GALNT14: variants seen among roughly 807,000 people sequenced by gnomAD.
GALNT14 encodes polypeptide N-acetylgalactosaminyltransferase 14.
A neutral mutation model predicts 77.5 loss-of-function variants in GALNT14; 60 were observed. The observed-to-expected ratio is 0.77, with a 90% CI of 0.63 to 0.96. The LOEUF (loss-of-function observed/expected upper bound fraction) is 0.96. GALNT14 is among the 40% of genes least tolerant of loss of function. GALNT14 has a pLI of 0.00. For synonymous variants in GALNT14, 280 were observed against 281.7 expected (o/e 0.99, Z 0.06); for missense variants, 710 against 731.0 (o/e 0.97, Z 0.33).
intron 1 of GALNT14, among the ~76,000 whole-genome samples, chr2:31,033,537 G>C (rs557531662): frequency 1.3e-5 from 2 of 152,090 alleles, no homozygotes; most frequent in East Asian, 3.9e-4. Flanking sequence ...GGAAACTCCT[G>C]TGTGTAGTTA....
intron 1 of GALNT14, among the ~76,000 whole-genome samples, chr2:31,039,169 G>T (rs1672944900): frequency 6.6e-6 from 1 of 152,116 alleles, no homozygotes; most frequent in South Asian, 2.1e-4. Flanking sequence ...TGGAGATGTG[G>T]TTTTTTTGGA....
At chr2:31,116,575 A>T (rs1258227521) in intron 1 of GALNT14, among the ~76,000 whole-genome samples, 1 of 152,212 alleles carries the variant, frequency 6.6e-6, no homozygotes, top group Non-Finnish European at 1.5e-5. Flanking sequence ...AATATTATAA[A>T]GCCAAAACTC....
At chr2:31,019,262 GA>G (rs772505961) in intron 1 of GALNT14, among the ~76,000 whole-genome samples, 19 of 152,146 alleles carry the variant, frequency 1.2e-4, no homozygotes, top group Admixed American at 6.5e-4. Flanking sequence ...ATTTCAACTT[GA>G]AATAATGTCG....
At chr2:30,932,676 G>A (rs1665812480) in intron 9 of GALNT14, among the ~76,000 whole-genome samples, 1 of 152,218 alleles carries the variant, frequency 6.6e-6, no homozygotes. Context: ...GGTGACCATT[G>A]TGAGAAGACT....
chr2:31,089,749 T>C (rs1302059714), intron 1 of GALNT14, among the ~76,000 whole-genome samples: 1 of 152,058 alleles, frequency 6.6e-6, no homozygotes, highest in Non-Finnish European at 1.5e-5. Flanking sequence ...TGACAGGTAA[T>C]GCTAGGGAGC....
intron 1 of GALNT14, among the ~76,000 whole-genome samples, chr2:31,096,493 A>C (rs1025155122): frequency 2.0e-5 from 3 of 152,178 alleles, no homozygotes; most frequent in Non-Finnish European, 4.4e-5. Flanking sequence ...GTTTATGAGG[A>C]TAAAACAGAG....
At position 30,924,259 on chromosome 2, in the gene GALNT14, G is replaced by A. The variant is rs1665216715; in HGVS notation, c.1240C>T (p.Pro414Ser). The change falls in exon 13 of 15, where the codon CCC becomes TCC. Residue 414 changes from proline (P) to serine (S), a missense_variant. Pro to Ser is a moderately conservative substitution (Grantham distance 74). Coordinates refer to ENST00000349752, the MANE Select transcript of GALNT14 (RefSeq NM_024572.4). ...CCCTTCTGGATGGAGGACTCCTTGG[G>A]GATGCTGGAGGAGAGTCACAGGGAG... is the stretch of plus-strand genomic sequence containing the variant. ...LENIYPELSI[P>S]KESSIQKGNI... The A allele has an allele frequency of 1.2e-6, 2 of 1,614,046 alleles. No homozygotes were observed. The highest frequency in any genetic ancestry group is 8.5e-7 in the Non-Finnish European group (1 of 1,180,002).
At chr2:31,053,346 C>T (rs1276175758) in intron 1 of GALNT14, among the ~76,000 whole-genome samples, 1 of 152,068 alleles carries the variant, frequency 6.6e-6, no homozygotes, top group African/African-American at 2.4e-5. Flanking sequence ...ACGCCTGAAC[C>T]CTGCACTTAC....
chr2:30,940,150 G>A (rs1666295449), intron 9 of GALNT14, among the ~76,000 whole-genome samples: 1 of 152,140 alleles, frequency 6.6e-6, no homozygotes, highest in African/African-American at 2.4e-5. Flanking sequence ...GTGATGGATT[G>A]CAAATGTCTC....
At position 30,932,104 on chromosome 2, in the gene GALNT14, T is replaced by C. The variant is rs1190624732; in HGVS notation, c.1022A>G (p.Tyr341Cys). ...VGHVFRKKHP[Y>C]VFPDGNANTY... ...GTTGGCATTTCCATCAGGGAAAACG[T>C]AGGGGTGCTTCTTCCGGAAGACGTG... is the stretch of plus-strand genomic sequence containing the variant. The change falls in exon 10 of 15, where the codon TAC becomes TGC. Residue 341 changes from tyrosine (Y) to cysteine (C), a missense_variant. Coordinates refer to ENST00000349752, the MANE Select transcript of GALNT14 (RefSeq NM_024572.4). 2 of 1,578,044 alleles carry C rather than the reference T, an allele frequency of 1.3e-6. No individual in the cohort carries two copies. Among genetic ancestry groups the C allele is most frequent in the East Asian group, 2.4e-5 (1 of 41,708 alleles).
At chr2:30,987,113 G>T (rs142730884) in intron 2 of GALNT14, 1 of 152,334 alleles carries the variant, frequency 6.6e-6, no homozygotes, top group East Asian at 1.9e-4. Context: ...GGGATGTGCT[G>T]AAAGCCACTC....
chr2:30,924,891 C>T lies in GALNT14; in HGVS notation c.1152-68G>A, dbSNP rs74726040. 3.0e-3 allele frequency: 3,973 copies of T among 1,324,690 alleles called. 78 individuals carry two copies. In the African/African-American group the frequency reaches 0.049, roughly 16 times the overall value. The allele number at this position is 1,324,690 out of a possible 1,614,324, so 82.1% of individuals were successfully genotyped here. On this transcript the variant is annotated intron_variant, in intron 11 of 14. Coordinates refer to ENST00000349752, the MANE Select transcript of GALNT14 (RefSeq NM_024572.4). The stretch of plus-strand genomic sequence containing the variant: ...AGCTGTCAGAGGCAGGCGCCAGCAA[C>T]GCCAGTCCAGACTGAGAACACAAAG...
chr2:30,998,163 T>C (rs780321757), intron 1 of GALNT14, among the ~76,000 whole-genome samples: 7 of 152,230 alleles, frequency 4.6e-5, no homozygotes, highest in Admixed American at 6.5e-5. Context: ...GCCAAACCCC[T>C]GGCCAAGACC....
chr2:30,939,927 C>A (rs1210478110), intron 9 of GALNT14, among the ~76,000 whole-genome samples: 1 of 151,950 alleles, frequency 6.6e-6, no homozygotes, highest in Non-Finnish European at 1.5e-5. Flanking sequence ...TTATCCCCAC[C>A]CGCAGATGTG....
chr2:30,924,360 G>A (rs1665225673), intron 12 of GALNT14, 97 bp from the exon 13 acceptor site: 3 of 1,321,006 alleles, frequency 2.3e-6, no homozygotes, highest in South Asian at 1.3e-5. Flanking sequence ...AGAATGGCAG[G>A]GCTGGGCTGT....
Position 31,035,624 on chromosome 2 carries a change from C to T in GALNT14, c.130-42617G>A, listed in dbSNP as rs867177926. Among the ~76,000 whole-genome samples, 655 of 137,942 alleles carry T rather than the reference C, an allele frequency of 4.7e-3. 12 individuals carry two copies. The highest frequency in any genetic ancestry group is 0.033 in the Middle Eastern group (9 of 272). 90.5% of individuals were successfully genotyped at this position (137,942 alleles called of 152,430 possible). On this transcript the variant is annotated intron_variant, in intron 1 of 14. Transcript: ENST00000349752. Reference sequence around the variant, plus strand: ...ATACACACACACACACACCTACACACACACACACACACACACACACACACA... The same window carrying T: ...ATACACACACACACACACCTACACATACACACACACACACACACACACACA...
intron 1 of GALNT14, among the ~76,000 whole-genome samples, chr2:31,048,775 T>C (rs1673652598): frequency 6.6e-6 from 1 of 152,108 alleles, no homozygotes; most frequent in African/African-American, 2.4e-5. Context: ...GTTGCTGTCA[T>C]TGCCCTCTTC....
intron 1 of GALNT14, among the ~76,000 whole-genome samples, chr2:31,015,336 T>G (rs948457159): frequency 6.7e-6 from 1 of 149,270 alleles, no homozygotes; most frequent in Non-Finnish European, 1.5e-5. Context: ...ACTCACTCTC[T>G]GCCAGTGAGA....
At chr2:30,941,437 T>G (rs1558425360) in intron 9 of GALNT14, among the ~76,000 whole-genome samples, 1 of 152,230 alleles carries the variant, frequency 6.6e-6, no homozygotes, top group Non-Finnish European at 1.5e-5. Flanking sequence ...ACACATTTAC[T>G]TCAATGGCTT....
Sources: allele counts gnomAD v4.1 joint callset (sites outside exome capture counted in the v4.1 genomes callset), GRCh38; gene constraint gnomAD v4.1.1; transcripts MANE v1.5; gene names NCBI Gene and HGNC (gene_info 2026-07-23, HGNC 2026-07-21).